Variants in TTC34 observed in about 807,000 individuals in gnomAD.
TTC34 encodes tetratricopeptide repeat domain 34.
In TTC34, 44 loss-of-function variants were observed where a neutral mutation model predicts 40.7. The ratio of observed to expected loss-of-function variants is 1.08; its 90% CI spans 0.85 to 1.39. TTC34 has a LOEUF of 1.39. TTC34 is among the 40% of genes most tolerant of loss of function. The pLI is 0.00. For missense variants in TTC34, 884 were observed against 838.0 expected, an observed-to-expected ratio of 1.05 and a Z score of -0.68; for synonymous variants, 422 against 398.6, an observed-to-expected ratio of 1.06 and a Z score of -0.70.
chr1:2,688,358 CAGCACCCACACGCCCAGGT>C (rs1640468523), intron 6 of TTC34, among the ~76,000 whole-genome samples: 1 of 149,568 alleles, frequency 6.7e-6, no homozygotes. Context: ...CAGCCTGGAG[CAGCACCCACACGCCCAGGT>C]GAGCATCTGA....
intron 6 of TTC34, among the ~76,000 whole-genome samples, chr1:2,683,484 C>T (rs1640174046): frequency 6.7e-6 from 1 of 149,550 alleles, no homozygotes; most frequent in Non-Finnish European, 1.5e-5. Context: ...ACCAGGCGAG[C>T]ATCTGACAGC....
intron 6 of TTC34, among the ~76,000 whole-genome samples, chr1:2,686,060 A>G (rs1449152016): frequency 8.9e-6 from 1 of 112,522 alleles, no homozygotes; most frequent in African/African-American, 3.9e-5. Context: ...AGCATCCGAC[A>G]GCCTGGAGAA....
chr1:2,684,752 A>C (rs1223735828), intron 6 of TTC34, among the ~76,000 whole-genome samples: 263 of 7,696 alleles, frequency 0.034, no homozygotes, highest in Middle Eastern at 0.2. Context: ...GAACAGCACC[A>C]AAAACCCCAG....
chr1:2,694,666 C>A lies in TTC34; in HGVS notation c.2227-49103G>T, dbSNP rs543897792. 2.4e-5 allele frequency among the ~76,000 whole-genome samples: 2 copies of A among 83,822 alleles called. 1 individual carries two copies. Among genetic ancestry groups the A allele is most frequent in the African/African-American group, 7.6e-5 (2 of 26,162 alleles). The allele number at this position is 83,822 out of a possible 152,430, so 55.0% of individuals were successfully genotyped here. On this transcript the variant is annotated intron_variant, in intron 6 of 8. Transcript: ENST00000401095. ...GCATCTGACGGCCTGGAACAGCACA[C>A]ACACCGCCAGGTGACCATTGGACAC...
At chr1:2,792,631 G>T (rs1643675435) in intron 2 of TTC34, among the ~76,000 whole-genome samples, 1 of 152,214 alleles carries the variant, frequency 6.6e-6, no homozygotes, top group Non-Finnish European at 1.5e-5. Flanking sequence ...GCAGCTTCCA[G>T]TGCCTGTTCT....
chr1:2,750,685 ACC>A (rs1318144118), intron 6 of TTC34, among the ~76,000 whole-genome samples: 1 of 89,624 alleles, frequency 1.1e-5, no homozygotes, highest in Non-Finnish European at 2.2e-5. Flanking sequence ...AGCACCCTGC[ACC>A]CCCAAGTGAG....
rs1480373305 is a variant in TTC34 at position 2,782,791 on chromosome 1, C to T, written c.2226+818G>A. On this transcript the variant is annotated intron_variant, in intron 6 of 8. Transcript: ENST00000401095. ...CCTTTTACAGAGGAGGAAACTGAGG[C>T]CTGGGGAGGTGAAGTGATTCGGCTG... 2.0e-5 allele frequency among the ~76,000 whole-genome samples: 3 copies of T among 152,246 alleles called. No homozygotes were observed. In the East Asian group the frequency reaches 5.8e-4, roughly 29 times the overall value.
intron 6 of TTC34, among the ~76,000 whole-genome samples, chr1:2,681,840 T>C (rs1226763749): frequency 2.3e-5 from 2 of 85,938 alleles, no homozygotes. Context: ...GGTGAGCATC[T>C]GACAGCCTGG....
intron 6 of TTC34, among the ~76,000 whole-genome samples, chr1:2,692,511 G>A (rs1490980736): frequency 1.0e-5 from 1 of 96,072 alleles, no homozygotes; most frequent in African/African-American, 3.9e-5. Context: ...GCACCCCCAG[G>A]TGTGCACGTG....
chr1:2,798,734 C>T (rs1240812354), intron 2 of TTC34, among the ~76,000 whole-genome samples: 41 of 137,772 alleles, frequency 3.0e-4, no homozygotes, highest in Non-Finnish European at 5.5e-4. Flanking sequence ...AGCCCCTCAG[C>T]CCCCCAGCCT....
At chr1:2,677,004 C>CAT (rs1639929448) in intron 6 of TTC34, among the ~76,000 whole-genome samples, 1 of 86,110 alleles carries the variant, frequency 1.2e-5, no homozygotes, top group Admixed American at 1.1e-4. Context: ...GAGCAGCACC[C>CAT]ACCACTCCCA....
intron 2 of TTC34, among the ~76,000 whole-genome samples, chr1:2,791,004 C>G (rs888992678): frequency 6.6e-6 from 1 of 152,186 alleles, no homozygotes; most frequent in Admixed American, 6.5e-5. Flanking sequence ...TAATGATCCA[C>G]GCTCGCAGGG....
intron 6 of TTC34, among the ~76,000 whole-genome samples, chr1:2,687,683 A>G (rs1164466742): frequency 1.6e-3 from 239 of 149,904 alleles, no homozygotes; most frequent in African/African-American, 5.8e-3. Context: ...AGCAGCACGC[A>G]CACCCCCAGT....
chr1:2,688,004 C>A (rs1420080439), intron 6 of TTC34, among the ~76,000 whole-genome samples: 1 of 103,204 alleles, frequency 9.7e-6, no homozygotes, highest in African/African-American at 3.7e-5. Flanking sequence ...ACAGGACCCA[C>A]ACCCCCAGGC....
intron 5 of TTC34, among the ~76,000 whole-genome samples, chr1:2,784,864 G>A (rs1034334979): frequency 1.3e-5 from 2 of 152,146 alleles, no homozygotes; most frequent in African/African-American, 2.4e-5. Context: ...CGGCACCTAG[G>A]TAATCTTTTG....
At chr1:2,759,843 C>G (rs1238754564) in intron 6 of TTC34, among the ~76,000 whole-genome samples, 12,745 of 57,514 alleles carry the variant, frequency 0.22, 4 homozygotes, top group Middle Eastern at 0.34. Flanking sequence ...CCCACACCCC[C>G]AGGTGAGCAT....
chr1:2,649,784 G>A (rs1230517831), intron 6 of TTC34, among the ~76,000 whole-genome samples: 3 of 152,068 alleles, frequency 2.0e-5, no homozygotes, highest in Non-Finnish European at 4.4e-5. Context: ...AAAGTGCTGG[G>A]ATTACAAGCA....
chr1:2,690,713 A>AAC (rs1640579284), intron 6 of TTC34, among the ~76,000 whole-genome samples: 1 of 83,052 alleles, frequency 1.2e-5, no homozygotes, highest in African/African-American at 4.1e-5. Context: ...CCGGGTGAGC[A>AAC]TGCGATAGCC....
At chr1:2,693,037 T>C (rs1290855922) in intron 6 of TTC34, among the ~76,000 whole-genome samples, 110 of 20,964 alleles carry the variant, frequency 5.2e-3, no homozygotes, top group Non-Finnish European at 7.1e-3. Context: ...CCCAGGCGAG[T>C]ATCTGTACGC....
Sources: gnomAD v4.1 joint callset for allele counts (sites outside exome capture counted in the v4.1 genomes callset) on GRCh38, gnomAD v4.1.1 for gene constraint, MANE v1.5 for transcripts, NCBI Gene and HGNC (gene_info 2026-07-23, HGNC 2026-07-21) for gene names.